The following MAJIN variants were observed in gnomAD, a reference collection of about 807,000 sequenced individuals.
The protein encoded by MAJIN is membrane anchored junction protein.
A neutral mutation model predicts 30.2 loss-of-function variants in MAJIN; 27 were observed. That is an observed-to-expected ratio of 0.89 (90% CI 0.66 to 1.23). The LOEUF (loss-of-function observed/expected upper bound fraction) is 1.23, where lower values mean the gene tolerates loss of function less well. MAJIN is among the 50% of genes most tolerant of loss of function. MAJIN has a pLI of 0.00. For missense variants in MAJIN, 253 were observed against 260.3 expected (o/e 0.97, Z 0.19); for synonymous variants, 78 against 91.6 (o/e 0.85, Z 0.85).
chr11:64,945,009 G>C (rs769234277), intron 8 of MAJIN, among the ~76,000 whole-genome samples: 5 of 152,122 alleles, frequency 3.3e-5, no homozygotes, highest in Non-Finnish European at 4.4e-5. Flanking sequence ...CACTGCTCTA[G>C]AAGTTTTCTC....
chr11:64,967,889 T>C (rs1249905367), intron 1 of MAJIN, among the ~76,000 whole-genome samples: 1 of 152,170 alleles, frequency 6.6e-6, no homozygotes, highest in South Asian at 2.1e-4. Context: ...GTACTCTAAA[T>C]AGCATCAAGA....
chr11:64,939,531 A>T, intron 10 of MAJIN, 131 bp downstream of exon 10: 1 of 740,930 alleles, frequency 1.3e-6, no homozygotes, highest in Non-Finnish European at 2.2e-6. Flanking sequence ...CATTTCCATC[A>T]TCTATCCTAG....
At chr11:64,947,311 C>A in intron 8 of MAJIN, 63 bp downstream of exon 8, 1 of 1,415,448 alleles carries the variant, frequency 7.1e-7, no homozygotes. Context: ...GATCAACCAA[C>A]AGTAATAGCT....
intron 8 of MAJIN, among the ~76,000 whole-genome samples, chr11:64,943,613 A>G (rs905287176): frequency 1.3e-5 from 2 of 152,252 alleles, no homozygotes; most frequent in African/African-American, 4.8e-5. Context: ...AACAGGGTCC[A>G]TGATGGTGAA....
At chr11:64,946,027 A>G in intron 8 of MAJIN, 1 of 1,418,984 alleles carries the variant, frequency 7.0e-7, no homozygotes, top group Non-Finnish European at 9.3e-7. Context: ...TTGTAACAGA[A>G]CAGGAATAGC....
At chr11:64,950,206 T>C in intron 5 of MAJIN, 149 bp downstream of exon 5, 1 of 706,442 alleles carries the variant, frequency 1.4e-6, no homozygotes, top group East Asian at 2.8e-5. Context: ...GGCATGTGCC[T>C]GTAATCCCAG....
At chr11:64,955,414 C>G (rs115914610) in intron 3 of MAJIN, among the ~76,000 whole-genome samples, 1 of 152,318 alleles carries the variant, frequency 6.6e-6, no homozygotes, top group African/African-American at 2.4e-5. Flanking sequence ...GCATAAAGCG[C>G]TTCTGCTGCA....
intron 9 of MAJIN, 88 bp from the exon 10 acceptor site, chr11:64,939,855 A>G (rs1420128676): frequency 8.6e-7 from 1 of 1,168,342 alleles, no homozygotes; most frequent in African/African-American, 1.5e-5. Context: ...AGTATGAGCC[A>G]GAGGCAGTCT....
intron 8 of MAJIN, 142 bp from the exon 9 acceptor site, chr11:64,940,788 C>G: frequency 1.6e-6 from 1 of 614,016 alleles, no homozygotes; most frequent in Non-Finnish European, 2.8e-6. Context: ...ATATTTCTTT[C>G]CATTTCTTTC....
intron 10 of MAJIN, among the ~76,000 whole-genome samples, chr11:64,939,425 T>G (rs1052298220): frequency 6.6e-6 from 1 of 152,224 alleles, no homozygotes; most frequent in African/African-American, 2.4e-5. Flanking sequence ...GGGGCTTGGC[T>G]TTATCCTGGA....
At chr11:64,947,549 T>C (rs1945470381) in intron 7 of MAJIN, 84 bp from the exon 8 acceptor site, 3 of 1,391,460 alleles carry the variant, frequency 2.2e-6, no homozygotes, top group African/African-American at 1.4e-5. Flanking sequence ...AAACTCCCCA[T>C]CCTTAAACTG....
chr11:64,940,666 G>A lies in MAJIN; in HGVS notation c.474-20C>T. 6.2e-7 allele frequency: 1 copy of A among 1,610,598 alleles called. No individual in the cohort carries two copies. The highest frequency in any genetic ancestry group is 8.5e-7 in the Non-Finnish European group (1 of 1,177,060). On this transcript the variant is annotated intron_variant, in intron 8 of 10. Transcript: ENST00000301896. The stretch of plus-strand genomic sequence containing the variant: ...CCTATTCTGTTAAAAAGAAGACCAA[G>A]AAAAGCCTTAAACTTTCCTCCTACA...
chr11:64,947,474 G>C lies in MAJIN; in HGVS notation c.382-9C>G. On this transcript the variant is annotated splice_polypyrimidine_tract_variant and intron_variant, in intron 7 of 10. Coordinates refer to ENST00000301896, the MANE Select transcript of MAJIN (RefSeq NM_001037225.3). ...TTCTTCTCAACTGGGACCTTCAGGA[G>C]GAAGCAGATGCCTGTGACTCCTCCT... 1 of 1,610,766 alleles carries C rather than the reference G, an allele frequency of 6.2e-7. No homozygotes were observed. Among genetic ancestry groups the C allele is most frequent in the Non-Finnish European group, 8.5e-7 (1 of 1,177,378 alleles).
At position 64,939,693 on chromosome 11, in the gene MAJIN, G is replaced by T. The variant is rs1285267701; in HGVS notation, c.621C>A (p.Ser207Arg). 1.2e-6 allele frequency: 2 copies of T among 1,613,948 alleles called. No individual in the cohort carries two copies. Among genetic ancestry groups the T allele is most frequent in the Middle Eastern group, 3.3e-4 (2 of 6,058 alleles). The change falls in exon 10 of 11, where the codon AGC (serine) becomes AGA (arginine). Residue 207 changes from serine (S) to arginine (R), a missense_variant. Transcript: ENST00000301896. ...PCSTTHLHLR[S>R]EQPPASLGF ...AACCCAAAGAAGCCGGTGGCTGCTC[G>T]CTCCTTAGGTGGAGGTGAGTTGTGC...
At chr11:64,964,668 C>T (rs1945779448) in intron 1 of MAJIN, among the ~76,000 whole-genome samples, 2 of 151,602 alleles carry the variant, frequency 1.3e-5, no homozygotes, top group South Asian at 2.1e-4. Context: ...CTCACCGTAA[C>T]CTCTGCCTCT....
intron 1 of MAJIN, among the ~76,000 whole-genome samples, chr11:64,961,787 TTTTC>T (rs1945731080): frequency 6.8e-6 from 1 of 147,260 alleles, no homozygotes; most frequent in African/African-American, 2.6e-5. Flanking sequence ...TTTTTTTTTC[TTTTC>T]TTTTTTTTTT....
intron 3 of MAJIN, among the ~76,000 whole-genome samples, chr11:64,956,532 T>C (rs568261150): frequency 3.0e-4 from 45 of 151,898 alleles, no homozygotes; most frequent in Admixed American, 7.9e-4. Context: ...CAAATATTCA[T>C]TCAAAGAACA....
At chr11:64,948,574 CAT>C (rs1945486802) in intron 6 of MAJIN, among the ~76,000 whole-genome samples, 1 of 120,458 alleles carries the variant, frequency 8.3e-6, no homozygotes, top group Non-Finnish European at 1.6e-5. Flanking sequence ...GGACTACAGG[CAT>C]GCACCACCAC....
chr11:64,944,213 T>C (rs1391042235), intron 8 of MAJIN, among the ~76,000 whole-genome samples: 1 of 152,256 alleles, frequency 6.6e-6, no homozygotes, highest in Non-Finnish European at 1.5e-5. Flanking sequence ...CCTGTGATCT[T>C]GAAGGTAGTC....
Sources: allele counts gnomAD v4.1 joint callset (sites outside exome capture counted in the v4.1 genomes callset), GRCh38; gene constraint gnomAD v4.1.1; transcripts MANE v1.5; gene names NCBI Gene and HGNC (gene_info 2026-07-23, HGNC 2026-07-21).